The following VAV3 variants were observed in gnomAD, a reference collection of about 807,000 sequenced individuals.
The protein encoded by VAV3 is guanine nucleotide exchange factor VAV3.
VAV3 carries 94 observed loss-of-function variants against 131.2 expected under a neutral mutation model. The ratio of observed to expected loss-of-function variants is 0.72; its 90% CI spans 0.61 to 0.85. The LOEUF (loss-of-function observed/expected upper bound fraction) is 0.85, where lower values mean the gene tolerates loss of function less well. Among genes scored for constraint, VAV3 ranks in the 40% least tolerant of loss-of-function variants. The pLI is 0.00. For synonymous variants in VAV3, 349 were observed against 342.0 expected, an observed-to-expected ratio of 1.02 and a Z score of -0.22; for missense variants, 939 against 1,002.7, an observed-to-expected ratio of 0.94 and a Z score of 0.86.
In VAV3 at chr1:107,942,681, C is replaced by T. The variant is rs950927564; in HGVS notation, c.204+21985G>A. On this transcript the variant is annotated intron_variant, in intron 1 of 26. Coordinates refer to ENST00000370056, the MANE Select transcript of VAV3 (RefSeq NM_006113.5). ...TCATAACAAAACTTATTTTTCAAAC[C>T]AATTCTACTTTCTCCTTGATATTCT... Among the ~76,000 whole-genome samples the T allele has an allele frequency of 4.6e-5, 7 of 152,192 alleles. No individual in the cohort carries two copies. In the South Asian group the frequency reaches 8.3e-4, roughly 18 times the overall value.
rs553642355 is a variant in VAV3 at position 107,876,180 on chromosome 1, A to G, written c.205-1163T>C. ...TTCTAGATGAAGGGAGTGAAAAACT[A>G]TATCAGATGCTGCAGACGGCCAAAT... On this transcript the variant is annotated intron_variant, in intron 1 of 26. Coordinates refer to ENST00000370056, the MANE Select transcript of VAV3 (RefSeq NM_006113.5). Among the ~76,000 whole-genome samples, 103 of 152,302 alleles carry G rather than the reference A, an allele frequency of 6.8e-4. 1 individual carries two copies. The highest frequency in any genetic ancestry group is 2.0e-3 in the African/African-American group (84 of 41,574).
chr1:107,828,196 T>C (rs1456683934), intron 2 of VAV3, among the ~76,000 whole-genome samples: 1 of 152,166 alleles, frequency 6.6e-6, no homozygotes, highest in East Asian at 1.9e-4. Context: ...TCTCTCTGGG[T>C]GGCTCTCTTT....
At chr1:107,753,517 T>TATATACACACAC (rs1663890552) in intron 12 of VAV3, among the ~76,000 whole-genome samples, 2 of 21,974 alleles carry the variant, frequency 9.1e-5, no homozygotes, top group South Asian at 8.9e-4. Flanking sequence ...TACACACATA[T>TATATACACACAC]ATATATATAC....
intron 3 of VAV3, among the ~76,000 whole-genome samples, chr1:107,778,093 G>A (rs1254579205): frequency 6.6e-6 from 1 of 152,000 alleles, no homozygotes; most frequent in Non-Finnish European, 1.5e-5. Flanking sequence ...CAGGCAGCCA[G>A]CATATCACAT....
chr1:107,753,559 C>CACAT lies in VAV3; in HGVS notation c.1173+1867_1173+1868insATGT, dbSNP rs1553201329. On this transcript the variant is annotated intron_variant, in intron 12 of 26. Coordinates refer to ENST00000370056, the MANE Select transcript of VAV3 (RefSeq NM_006113.5). ...ATATATATATATATATACACACACA[C>CACAT]ACTTTTTTTTTTGAGACAGAGTCAG... 9.3e-3 allele frequency among the ~76,000 whole-genome samples: 863 copies of CACAT among 92,320 alleles called. 19 individuals are homozygous for CACAT. The highest frequency in any genetic ancestry group is 0.032 in the African/African-American group (803 of 25,454). 60.6% of individuals were successfully genotyped at this position (92,320 alleles called of 152,430 possible).
intron 25 of VAV3, among the ~76,000 whole-genome samples, chr1:107,579,245 T>C (rs1193582072): frequency 6.6e-6 from 1 of 152,248 alleles, no homozygotes; most frequent in African/African-American, 2.4e-5. Context: ...TCACTTAAAC[T>C]AATGTTTTTC....
At chr1:107,782,990 G>A (rs1390138410) in intron 2 of VAV3, among the ~76,000 whole-genome samples, 2 of 152,172 alleles carry the variant, frequency 1.3e-5, no homozygotes, top group East Asian at 3.8e-4. Flanking sequence ...AACAATACCT[G>A]CAGGTCAATA....
At chr1:107,683,146 T>A (rs1163687338) in intron 19 of VAV3, among the ~76,000 whole-genome samples, 2 of 152,132 alleles carry the variant, frequency 1.3e-5, no homozygotes, top group Non-Finnish European at 2.9e-5. Context: ...AAAACAGTGA[T>A]TTTTAAGTGG....
intron 1 of VAV3, among the ~76,000 whole-genome samples, chr1:107,912,538 T>C (rs1035760872): frequency 4.6e-5 from 7 of 152,174 alleles, no homozygotes; most frequent in South Asian, 4.1e-4. Context: ...CTGGGACAAA[T>C]GGTAGAGAGA....
At chr1:107,855,084 A>C (rs959873684) in intron 2 of VAV3, among the ~76,000 whole-genome samples, 21 of 152,148 alleles carry the variant, frequency 1.4e-4, no homozygotes, top group African/African-American at 5.1e-4. Context: ...AGGTCTGGGA[A>C]TGGTACACAT....
chr1:107,609,665 G>A, intron 22 of VAV3: 1 of 376,818 alleles, frequency 2.7e-6, no homozygotes. Context: ...ATATGCGTAT[G>A]TTCCATTCCT....
intron 15 of VAV3, among the ~76,000 whole-genome samples, chr1:107,712,616 A>T (rs1660853017): frequency 6.6e-6 from 1 of 152,228 alleles, no homozygotes; most frequent in East Asian, 1.9e-4. Flanking sequence ...ATGTGCAAGG[A>T]CTTGGTATGT....
At chr1:107,807,253 A>C (rs1667100622) in intron 2 of VAV3, among the ~76,000 whole-genome samples, 1 of 152,230 alleles carries the variant, frequency 6.6e-6, no homozygotes, top group Admixed American at 6.5e-5. Flanking sequence ...TATTTCATTT[A>C]AAATAGATAT....
At chr1:107,577,549 G>A (rs1434542234) in intron 25 of VAV3, among the ~76,000 whole-genome samples, 1 of 152,188 alleles carries the variant, frequency 6.6e-6, no homozygotes, top group African/African-American at 2.4e-5. Context: ...TCTGGCCAAT[G>A]GAATATAAAC....
chr1:107,850,725 T>TA (rs1350062367), intron 2 of VAV3, among the ~76,000 whole-genome samples: 112 of 152,000 alleles, frequency 7.4e-4, no homozygotes, highest in South Asian at 2.7e-3. Context: ...TATAATTTTT[T>TA]TAAAAAAAAG....
intron 15 of VAV3, among the ~76,000 whole-genome samples, chr1:107,722,622 T>G (rs1278258632): frequency 6.6e-6 from 1 of 152,154 alleles, no homozygotes; most frequent in Admixed American, 6.5e-5. Flanking sequence ...CAAATGGAAT[T>G]GATGACCTTG....
At position 107,963,587 on chromosome 1, in the gene VAV3, T is replaced by C. The variant is rs1571201691; in HGVS notation, c.204+1079A>G. 3 of 152,222 alleles carry C rather than the reference T, an allele frequency of 2.0e-5. No homozygotes were observed. In the South Asian group the frequency reaches 6.2e-4, roughly 32 times the overall value. 9.4% of individuals were successfully genotyped at this position (152,222 alleles called of 1,614,324 possible). A position where few individuals can be genotyped will look rare whatever the true frequency, so the allele number is the denominator to read the frequency against. ...ACAGATGACTGTGTGTGCTCTAACT[T>C]TAAATACATACTTATTAAATCATAT... On this transcript the variant is annotated intron_variant, in intron 1 of 26. Transcript: ENST00000370056.
At chr1:107,635,091 A>G (rs1654813342) in intron 20 of VAV3, among the ~76,000 whole-genome samples, 1 of 151,994 alleles carries the variant, frequency 6.6e-6, no homozygotes, top group African/African-American at 2.4e-5. Context: ...AACTAGAAAT[A>G]CCATTTGACC....
intron 1 of VAV3, 29 bp downstream of exon 1, chr1:107,964,637 A>G (rs756600888): frequency 6.2e-7 from 1 of 1,602,596 alleles, no homozygotes; most frequent in Non-Finnish European, 8.5e-7. Flanking sequence ...TGCCGGCTGG[A>G]GGCGGGGCGC....
Sources: allele counts gnomAD v4.1 joint callset (sites outside exome capture counted in the v4.1 genomes callset), GRCh38; gene constraint gnomAD v4.1.1; transcripts MANE v1.5; gene names NCBI Gene and HGNC (gene_info 2026-07-23, HGNC 2026-07-21).